The following KCNH7 variants were observed in gnomAD, a reference collection of about 807,000 sequenced individuals.
The protein encoded by KCNH7 is voltage-gated inwardly rectifying potassium channel KCNH7.
In KCNH7, 49 loss-of-function variants were observed where a neutral mutation model predicts 120.8. The ratio of observed to expected loss-of-function variants is 0.41; its 90% CI spans 0.32 to 0.51. The LOEUF (loss-of-function observed/expected upper bound fraction) is 0.51, where lower values mean the gene tolerates loss of function less well. Among genes scored for constraint, KCNH7 ranks in the 20% least tolerant of loss-of-function variants. The probability of loss-of-function intolerance (pLI) is 0.38; values close to 1 mark genes in which losing one functional copy is unlikely to be tolerated. For missense variants in KCNH7, 1,097 were observed against 1,446.6 expected (o/e 0.76, Z 3.92); for synonymous variants, 547 against 516.1 (o/e 1.06, Z -0.81).
chr2:162,421,161 C>G (rs1349777704), intron 9 of KCNH7, among the ~76,000 whole-genome samples: 3 of 152,004 alleles, frequency 2.0e-5, no homozygotes, highest in Non-Finnish European at 4.4e-5. Context: ...AAACCACATG[C>G]AAGACTCAGC....
intron 2 of KCNH7, among the ~76,000 whole-genome samples, chr2:162,809,756 T>C (rs958591525): frequency 6.6e-6 from 1 of 152,128 alleles, no homozygotes; most frequent in Admixed American, 6.6e-5. Context: ...AAGCAAGAGA[T>C]AATTTTCAAA....
chr2:162,569,662 C>CA (rs1333743183), intron 2 of KCNH7, among the ~76,000 whole-genome samples: 1 of 151,376 alleles, frequency 6.6e-6, no homozygotes, highest in Non-Finnish European at 1.5e-5. Context: ...CTCTTGTGGG[C>CA]ATTTAGTGCT....
At chr2:162,651,120 T>C (rs962465859) in intron 2 of KCNH7, among the ~76,000 whole-genome samples, 19 of 152,226 alleles carry the variant, frequency 1.2e-4, no homozygotes, top group Non-Finnish European at 2.4e-4. Flanking sequence ...TAAAATGTTC[T>C]GTATGCATGT....
At chr2:162,391,131 G>A (rs746189761) in intron 12 of KCNH7, among the ~76,000 whole-genome samples, 1 of 151,942 alleles carries the variant, frequency 6.6e-6, no homozygotes, top group Non-Finnish European at 1.5e-5. Flanking sequence ...CTGATTTACA[G>A]GCAACAGCAC....
At chr2:162,717,079 C>T (rs1687147678) in intron 2 of KCNH7, among the ~76,000 whole-genome samples, 1 of 152,038 alleles carries the variant, frequency 6.6e-6, no homozygotes, top group South Asian at 2.1e-4. Flanking sequence ...AAAGAAATAA[C>T]TGCATGGGAA....
At chr2:162,404,991 A>G (rs1280925833) in intron 9 of KCNH7, among the ~76,000 whole-genome samples, 1 of 152,062 alleles carries the variant, frequency 6.6e-6, no homozygotes, top group African/African-American at 2.4e-5. Flanking sequence ...CATTTATAAT[A>G]CTAATGATTG....
intron 8 of KCNH7, among the ~76,000 whole-genome samples, chr2:162,430,276 T>C (rs1458487044): frequency 6.6e-6 from 1 of 152,048 alleles, no homozygotes; most frequent in African/African-American, 2.4e-5. Flanking sequence ...CTGGAAATTG[T>C]TTAGCTTATA....
At chr2:162,391,788 T>C (rs1686752690) in intron 12 of KCNH7, among the ~76,000 whole-genome samples, 1 of 152,060 alleles carries the variant, frequency 6.6e-6, no homozygotes, top group Non-Finnish European at 1.5e-5. Context: ...AAGACATTAT[T>C]ATATTGACAA....
At chr2:162,557,763 T>A (rs896770043) in intron 2 of KCNH7, among the ~76,000 whole-genome samples, 77 of 152,260 alleles carry the variant, frequency 5.1e-4, no homozygotes, top group African/African-American at 1.8e-3. Context: ...CAATGCGGAA[T>A]ACGCTACTTT....
At chr2:162,412,785 G>C (rs761964611) in intron 9 of KCNH7, among the ~76,000 whole-genome samples, 1 of 152,098 alleles carries the variant, frequency 6.6e-6, no homozygotes, top group Admixed American at 6.6e-5. Context: ...TTTAAGTGTC[G>C]TATAATCACA....
chr2:162,380,234 T>A (rs1686368891), intron 13 of KCNH7, among the ~76,000 whole-genome samples: 1 of 152,190 alleles, frequency 6.6e-6, no homozygotes, highest in Non-Finnish European at 1.5e-5. Flanking sequence ...TCCGTTTCCA[T>A]GTGAACAAAA....
rs373462260 is a variant in KCNH7, at chr2:162,539,361, T to A, written c.308-2281A>T. On this transcript the variant is annotated intron_variant, in intron 2 of 15. Coordinates refer to ENST00000332142, the MANE Select transcript of KCNH7 (RefSeq NM_033272.4). ...CATTGTGAATTCGCACATTTGCTAT[T>A]TAAGCAGTTTCAAATTTTCCAACAC... is the stretch of plus-strand genomic sequence containing the variant. 1.1e-4 allele frequency among the ~76,000 whole-genome samples: 16 copies of A among 152,182 alleles called. No homozygotes were observed. The East Asian group carries it at 3.1e-3, about 30-fold the overall frequency.
chr2:162,411,064 G>A, intron 9 of KCNH7, among the ~76,000 whole-genome samples: 1 of 151,970 alleles, frequency 6.6e-6, no homozygotes, highest in East Asian at 1.9e-4. Flanking sequence ...GAACTTAAAA[G>A]AGAACTATTC....
intron 2 of KCNH7, among the ~76,000 whole-genome samples, chr2:162,753,192 G>A (rs1688667248): frequency 6.6e-6 from 1 of 151,798 alleles, no homozygotes; most frequent in South Asian, 2.1e-4. Flanking sequence ...TCGTGAGAAT[G>A]GATAACATTT....
At chr2:162,694,505 TGA>T (rs1491080475) in intron 2 of KCNH7, among the ~76,000 whole-genome samples, 1 of 151,462 alleles carries the variant, frequency 6.6e-6, no homozygotes, top group Non-Finnish European at 1.5e-5. Context: ...TGTGTGTGTG[TGA>T]TCCTCACATG....
intron 2 of KCNH7, among the ~76,000 whole-genome samples, chr2:162,628,646 A>G (rs1254614537): frequency 6.6e-6 from 1 of 151,938 alleles, no homozygotes; most frequent in South Asian, 2.1e-4. Context: ...CTATGTGCCC[A>G]TGTGGTCTCA....
intron 6 of KCNH7, among the ~76,000 whole-genome samples, chr2:162,472,770 C>T (rs1289548826): frequency 6.6e-6 from 1 of 152,160 alleles, no homozygotes; most frequent in Non-Finnish European, 1.5e-5. Context: ...AATCATGCTG[C>T]TATAAAGACA....
In KCNH7 at chr2:162,444,742, G is replaced by C. The variant is rs370046461; in HGVS notation, c.1554+1276C>G. ...ATAAGCTTATTTGGTGCAATGATGT[G>C]AACCACCCATTATAAGAAACTCAAA... On this transcript the variant is annotated intron_variant, in intron 7 of 15. Transcript: ENST00000332142. 1.2e-4 allele frequency among the ~76,000 whole-genome samples: 19 copies of C among 152,118 alleles called. No homozygotes were observed. In the East Asian group the frequency reaches 2.7e-3, roughly 22 times the overall value.
At chr2:162,769,430 C>A (rs1373961954) in intron 2 of KCNH7, among the ~76,000 whole-genome samples, 2 of 152,020 alleles carry the variant, frequency 1.3e-5, no homozygotes, top group African/African-American at 2.4e-5. Flanking sequence ...TTGCTGCATA[C>A]AAACAAATTT....
Sources: gnomAD v4.1 joint callset for allele counts (sites outside exome capture counted in the v4.1 genomes callset) on GRCh38, gnomAD v4.1.1 for gene constraint, MANE v1.5 for transcripts, NCBI Gene and HGNC (gene_info 2026-07-23, HGNC 2026-07-21) for gene names.